Variants in EYS observed in about 807,000 individuals in gnomAD.
EYS encodes the protein protein eyes shut homolog.
Under a neutral mutation model 282.1 loss-of-function variants are expected in EYS, and 250 were observed. The observed-to-expected ratio is 0.89, with a 90% CI of 0.80 to 0.98. EYS has a LOEUF of 0.98. Among genes scored for constraint, EYS ranks in the 50% least tolerant of loss-of-function variants. EYS has a pLI of 0.00. For missense variants in EYS, 4,016 were observed against 3,709.0 expected, an observed-to-expected ratio of 1.08 and a Z score of -2.15; for synonymous variants, 1,355 against 1,282.9, an observed-to-expected ratio of 1.06 and a Z score of -1.20.
intron 31 of EYS, among the ~76,000 whole-genome samples, chr6:64,197,939 A>G (rs577241862): frequency 2.5e-3 from 372 of 151,620 alleles, no homozygotes; most frequent in African/African-American, 8.5e-3. Flanking sequence ...TACTTATTCA[A>G]TTATCCTCCA....
In EYS at chr6:64,455,297, T is replaced by C. The variant is rs576448994; in HGVS notation, c.5645-15945A>G. On this transcript the variant is annotated intron_variant, in intron 26 of 42. Transcript: ENST00000503581. ...TCTAATTCTTAAAATAGTTTACTAGTTTATTCCCTGCCTAGAACCTTCAGA... is the reference window on the plus strand; with the variant it reads ...TCTAATTCTTAAAATAGTTTACTAGCTTATTCCCTGCCTAGAACCTTCAGA... Among the ~76,000 whole-genome samples, 9 of 152,268 alleles carry C rather than the reference T, an allele frequency of 5.9e-5. No individual in the cohort carries two copies. In the South Asian group the frequency reaches 1.9e-3, roughly 32 times the overall value.
chr6:65,085,607 A>C (rs1159115235), intron 12 of EYS, among the ~76,000 whole-genome samples: 2 of 152,140 alleles, frequency 1.3e-5, no homozygotes, highest in African/African-American at 4.8e-5. Context: ...AGAAAAATTC[A>C]AGGTAACAGC....
In EYS at chr6:64,694,653, T is replaced by C. The variant is rs1049479544; in HGVS notation, c.3444-68408A>G. ...GTCACTGGTTTGGAGACTAACTGGA[T>C]GGGAATTTGTGATGTAGTCTCAAGC... On this transcript the variant is annotated intron_variant, in intron 22 of 42. Coordinates refer to ENST00000503581, the MANE Select transcript of EYS (RefSeq NM_001142800.2). 1.2e-4 allele frequency among the ~76,000 whole-genome samples: 19 copies of C among 152,186 alleles called. No homozygotes were observed. In the East Asian group the frequency reaches 3.5e-3, roughly 28 times the overall value.
In EYS at chr6:65,277,730, A is replaced by G. The variant is rs544465654; in HGVS notation, c.2023+18133T>C. On this transcript the variant is annotated intron_variant, in intron 12 of 42. Transcript: ENST00000503581. ...AAAGCAAATGTCACTCAATGACTTTACCTCCTTTTTAGAGCAGGTGGTGAT... is the reference window on the plus strand; with the variant it reads ...AAAGCAAATGTCACTCAATGACTTTGCCTCCTTTTTAGAGCAGGTGGTGAT... 2.0e-5 allele frequency among the ~76,000 whole-genome samples: 3 copies of G among 152,314 alleles called. No homozygotes were observed. The South Asian group carries it at 6.2e-4, about 32-fold the overall frequency.
At chr6:64,932,558 G>GA (rs984072164) in intron 15 of EYS, among the ~76,000 whole-genome samples, 2 of 151,926 alleles carry the variant, frequency 1.3e-5, no homozygotes, top group African/African-American at 4.8e-5. Context: ...AAAAATCCTG[G>GA]AAAACTAGAA....
intron 5 of EYS, among the ~76,000 whole-genome samples, chr6:65,430,416 A>C (rs1323308411): frequency 2.0e-5 from 3 of 152,164 alleles, no homozygotes; most frequent in Non-Finnish European, 4.4e-5. Context: ...CCTCACACTG[A>C]GGTCCAAAAT....
At chr6:64,519,661 A>G (rs1395013880) in intron 26 of EYS, among the ~76,000 whole-genome samples, 2 of 151,776 alleles carry the variant, frequency 1.3e-5, no homozygotes, top group Non-Finnish European at 2.9e-5. Context: ...CCCCTTGTCC[A>G]CCCACCAATT....
intron 2 of EYS, among the ~76,000 whole-genome samples, chr6:65,515,465 C>G (rs1372760536): frequency 6.6e-6 from 1 of 151,298 alleles, no homozygotes; most frequent in East Asian, 2.0e-4. Context: ...GACTATAAAT[C>G]ATGCTGCTAT....
intron 12 of EYS, among the ~76,000 whole-genome samples, chr6:65,207,360 TG>T (rs1766061892): frequency 7.5e-6 from 1 of 132,546 alleles, no homozygotes; most frequent in Admixed American, 7.5e-5. Context: ...AAGACACTGA[TG>T]AAAAAAAAAA....
At chr6:64,153,448 ACT>A (rs1164868513) in intron 31 of EYS, among the ~76,000 whole-genome samples, 2 of 152,144 alleles carry the variant, frequency 1.3e-5, no homozygotes, top group African/African-American at 4.8e-5. Context: ...CTAAAGAGTC[ACT>A]CTGTTTTCAT....
intron 1 of EYS, among the ~76,000 whole-genome samples, chr6:65,663,460 T>C (rs555984903): frequency 1.3e-5 from 2 of 152,134 alleles, no homozygotes; most frequent in Non-Finnish European, 2.9e-5. Context: ...AGTCAAGAGA[T>C]AGGAGAAGAA....
At chr6:65,642,040 T>TA (rs143059528) in intron 1 of EYS, among the ~76,000 whole-genome samples, 1 of 152,174 alleles carries the variant, frequency 6.6e-6, no homozygotes, top group African/African-American at 2.4e-5. Flanking sequence ...AAAGTCCTTA[T>TA]AAAAAATAGA....
intron 14 of EYS, among the ~76,000 whole-genome samples, chr6:64,962,884 A>C (rs973504596): frequency 2.6e-5 from 4 of 152,168 alleles, no homozygotes; most frequent in African/African-American, 9.7e-5. Flanking sequence ...CAAGAACACA[A>C]ATTTCTATAA....
At chr6:64,272,860 T>C (rs943123602) in intron 30 of EYS, among the ~76,000 whole-genome samples, 1 of 152,154 alleles carries the variant, frequency 6.6e-6, no homozygotes, top group Non-Finnish European at 1.5e-5. Flanking sequence ...TACTCATTTA[T>C]AGGTATCTTG....
intron 1 of EYS, among the ~76,000 whole-genome samples, chr6:65,696,490 C>T (rs1030995182): frequency 3.3e-5 from 5 of 151,818 alleles, no homozygotes; most frequent in South Asian, 2.1e-4. Flanking sequence ...TTGTTCTTAA[C>T]GGTAGTCTTG....
chr6:65,224,414 G>T (rs770501688), intron 12 of EYS, among the ~76,000 whole-genome samples: 1 of 152,092 alleles, frequency 6.6e-6, no homozygotes, highest in South Asian at 2.1e-4. Flanking sequence ...CGGTAAAGGA[G>T]TACTTGGAAG....
intron 15 of EYS, among the ~76,000 whole-genome samples, chr6:64,945,421 A>T (rs1004807678): frequency 3.9e-5 from 6 of 152,108 alleles, no homozygotes; most frequent in African/African-American, 1.4e-4. Context: ...TAAGTAAAAA[A>T]TTGGAAGTTT....
chr6:65,554,118 T>A (rs1041604705), intron 2 of EYS, among the ~76,000 whole-genome samples: 1 of 152,126 alleles, frequency 6.6e-6, no homozygotes, highest in African/African-American at 2.4e-5. Context: ...AAGCATTCCA[T>A]CACCAGGATC....
chr6:65,462,974 T>G (rs1248369139), intron 5 of EYS, among the ~76,000 whole-genome samples: 1 of 152,120 alleles, frequency 6.6e-6, no homozygotes, highest in African/African-American at 2.4e-5. Context: ...GAAAATTTCT[T>G]TTCTCACATG....
Sources: gnomAD v4.1 joint callset for allele counts (sites outside exome capture counted in the v4.1 genomes callset) on GRCh38, gnomAD v4.1.1 for gene constraint, MANE v1.5 for transcripts, NCBI Gene and HGNC (gene_info 2026-07-23, HGNC 2026-07-21) for gene names.